Variants in LRRC36 observed in about 807,000 individuals in gnomAD.
The protein encoded by LRRC36 is leucine rich repeat containing 36.
A neutral mutation model predicts 81.1 loss-of-function variants in LRRC36; 62 were observed. The ratio of observed to expected loss-of-function variants is 0.76; its 90% CI spans 0.62 to 0.94. The LOEUF is 0.94. Among genes scored for constraint, LRRC36 ranks in the 40% least tolerant of loss-of-function variants. The pLI is 0.00. For synonymous variants in LRRC36, 334 were observed against 348.6 expected (o/e 0.96, Z 0.47); for missense variants, 761 against 881.7 (o/e 0.86, Z 1.73).
chr16:67,355,363 C>CT (rs1156742689), intron 5 of LRRC36, among the ~76,000 whole-genome samples: 1,704 of 77,716 alleles, frequency 0.022, 301 homozygotes, highest in East Asian at 0.081. Context: ...TTTAAGATGT[C>CT]TTTTTTTTTT....
At chr16:67,377,661 G>C (rs1012143010) in intron 11 of LRRC36, among the ~76,000 whole-genome samples, 1 of 147,878 alleles carries the variant, frequency 6.8e-6, no homozygotes, top group Non-Finnish European at 1.5e-5. Flanking sequence ...TTGAGATGGG[G>C]TCTTGTTCTG....
Position 67,385,104 on chromosome 16 carries a change from T to A in LRRC36, c.*15T>A. On this transcript the variant is annotated 3_prime_UTR_variant, in exon 14 of 14. Coordinates refer to ENST00000329956, the MANE Select transcript of LRRC36 (RefSeq NM_018296.6). ...CTGGCTTATAGAGCTAGCATGGAAC[T>A]CACACCACAGCTTCCCTGGTCCACA... 6.3e-7 allele frequency: 1 copy of A among 1,598,394 alleles called. No individual in the cohort carries two copies. Among genetic ancestry groups the A allele is most frequent in the Non-Finnish European group, 8.6e-7 (1 of 1,166,820 alleles).
intron 5 of LRRC36, among the ~76,000 whole-genome samples, chr16:67,359,615 T>C (rs1258381505): frequency 6.6e-6 from 1 of 152,190 alleles, no homozygotes; most frequent in Admixed American, 6.5e-5. Flanking sequence ...AAAGGATGAA[T>C]TGTATGACAC....
At chr16:67,327,495 A>T (rs2037248631) in intron 1 of LRRC36, among the ~76,000 whole-genome samples, 1 of 152,108 alleles carries the variant, frequency 6.6e-6, no homozygotes, top group Non-Finnish European at 1.5e-5. Flanking sequence ...TCCATCTCAA[A>T]AATAATAATA....
chr16:67,335,265 C>A (rs1026839714), intron 1 of LRRC36, among the ~76,000 whole-genome samples: 12 of 152,172 alleles, frequency 7.9e-5, no homozygotes, highest in African/African-American at 2.9e-4. Flanking sequence ...TTAGAGGCCT[C>A]CCTTCAGGGA....
chr16:67,350,190 T>C lies in LRRC36; in HGVS notation c.489-12T>C. 1 of 1,566,594 alleles carries C rather than the reference T, an allele frequency of 6.4e-7. No homozygotes were observed. The highest frequency in any genetic ancestry group is 1.2e-5 in the South Asian group (1 of 85,236). ...TTTTTTTGAGTTGTAAATAAATTAT[T>C]CTATGTGGCAGCTCTAGGGAGAAGA... On this transcript the variant is annotated splice_polypyrimidine_tract_variant and intron_variant, in intron 4 of 13. Coordinates refer to ENST00000329956, the MANE Select transcript of LRRC36 (RefSeq NM_018296.6).
chr16:67,334,450 A>C (rs912357277), intron 1 of LRRC36, among the ~76,000 whole-genome samples: 1 of 151,562 alleles, frequency 6.6e-6, no homozygotes, highest in African/African-American at 2.4e-5. Context: ...TCAGCCTCCC[A>C]AGTAGCTGGG....
In LRRC36 at chr16:67,382,156, C is replaced by T. The variant is rs1304865112; in HGVS notation, c.1954C>T (p.Gln652Ter). ...AGATGATCTTCTGCACAAAAACCAA[C>T]AGCTGACCATGCAGGTGGCTTGCCT... is the stretch of plus-strand genomic sequence containing the variant. ...TYDDLLHKNQ[Q>*]LTMQVACLNQ... Residue 652 changes from glutamine to a stop codon, truncating the protein, a stop_gained, in exon 13 of 14, where the codon CAG becomes TAG. Transcript: ENST00000329956. LOFTEE classifies it high-confidence loss of function. 4 of 1,614,078 alleles carry T rather than the reference C, an allele frequency of 2.5e-6. No individual in the cohort carries two copies. Among genetic ancestry groups the T allele is most frequent in the Non-Finnish European group, 3.4e-6 (4 of 1,179,946 alleles).
chr16:67,350,437 C>T (rs966372128), intron 5 of LRRC36, 147 bp downstream of exon 5: 1 of 690,062 alleles, frequency 1.4e-6, no homozygotes, highest in South Asian at 1.8e-5. Context: ...TTTCTTCCAT[C>T]CTCTCACTGC....
At chr16:67,383,071 C>CA (rs59297593) in intron 13 of LRRC36, among the ~76,000 whole-genome samples, 2,554 of 43,182 alleles carry the variant, frequency 0.059, 120 homozygotes, top group Non-Finnish European at 0.11. Flanking sequence ...GGCTCCGTCT[C>CA]AAAAAAAAAA....
intron 9 of LRRC36, 99 bp from the exon 10 acceptor site, chr16:67,375,148 A>AG: frequency 7.2e-7 from 1 of 1,383,184 alleles, no homozygotes; most frequent in Non-Finnish European, 9.9e-7. Flanking sequence ...TAAAAAAAAA[A>AG]AAGTCTCAAT....
chr16:67,380,865 C>T (rs997909558), intron 12 of LRRC36, among the ~76,000 whole-genome samples: 1 of 152,102 alleles, frequency 6.6e-6, no homozygotes, highest in Non-Finnish European at 1.5e-5. Flanking sequence ...ACAAGTGGGG[C>T]CTCACCTCAG....
At chr16:67,352,681 A>G (rs1165309422) in intron 5 of LRRC36, among the ~76,000 whole-genome samples, 1 of 144,402 alleles carries the variant, frequency 6.9e-6, no homozygotes, top group Non-Finnish European at 1.5e-5. Context: ...TTATTTATTT[A>G]TTTATTTATT....
chr16:67,350,290 G>T lies in LRRC36; in HGVS notation c.577G>T (p.Asp193Tyr). 1 of 1,608,866 alleles carries T rather than the reference G, an allele frequency of 6.2e-7. No individual in the cohort carries two copies. The highest frequency in any genetic ancestry group is 1.1e-5 in the South Asian group (1 of 90,390). Residue 193 changes from aspartate to tyrosine, a missense_variant and splice_region_variant, in exon 5 of 14, where the codon GAC becomes TAC. Asp to Tyr is a radical substitution (Grantham distance 160). Transcript: ENST00000329956. ...SANVDSRIEM[D>Y]SNKGLFIPFP... ...TAATGTTGACAGCAGGATTGAAATG[G>T]GTAAGTTTTCTCCCTGTGATTATAA...
At chr16:67,366,877 C>A in intron 7 of LRRC36, 140 bp from the exon 8 acceptor site, 1 of 645,136 alleles carries the variant, frequency 1.6e-6, no homozygotes, top group Non-Finnish European at 2.7e-6. Flanking sequence ...TTTATGCTAC[C>A]ATTGATCAGA....
chr16:67,375,785 G>C lies in LRRC36; in HGVS notation c.1660+373G>C, dbSNP rs1310820321. Among the ~76,000 whole-genome samples the C allele has an allele frequency of 2.0e-5, 3 of 152,294 alleles. No individual in the cohort carries two copies. In the East Asian group the frequency reaches 5.8e-4, roughly 29 times the overall value. ...CAACAGAAATTGGGTTTGATCATCAGAGTTTTGAGATGACTGTTAGAATGT... is the reference window on the plus strand; with the variant it reads ...CAACAGAAATTGGGTTTGATCATCACAGTTTTGAGATGACTGTTAGAATGT... On this transcript the variant is annotated intron_variant, in intron 10 of 13. Transcript: ENST00000329956.
At chr16:67,332,662 C>T (rs573192280) in intron 1 of LRRC36, among the ~76,000 whole-genome samples, 6 of 152,274 alleles carry the variant, frequency 3.9e-5, no homozygotes, top group African/African-American at 1.4e-4. Flanking sequence ...GGCAGTTTAT[C>T]ATTTTAATAA....
At chr16:67,329,567 A>C (rs1314331050) in intron 1 of LRRC36, among the ~76,000 whole-genome samples, 1 of 151,970 alleles carries the variant, frequency 6.6e-6, no homozygotes, top group African/African-American at 2.4e-5. Flanking sequence ...ATTTCTTGAT[A>C]TCATGAAATA....
rs924235682 is a variant in LRRC36 at position 67,357,615 on chromosome 16, C to T, written c.578-5975C>T. Among the ~76,000 whole-genome samples the T allele has an allele frequency of 3.9e-5, 6 of 152,246 alleles. No homozygotes were observed. In the East Asian group the frequency reaches 1.2e-3, roughly 29 times the overall value. On this transcript the variant is annotated intron_variant, in intron 5 of 13. Transcript: ENST00000329956. The stretch of plus-strand genomic sequence containing the variant: ...GGCTGAAATGCCTGGGTCTTTGTAC[C>T]CCTGCCTAGCTCTGTCACGGGGAGT...
Sources: gnomAD v4.1 joint callset for allele counts (sites outside exome capture counted in the v4.1 genomes callset) on GRCh38, gnomAD v4.1.1 for gene constraint, MANE v1.5 for transcripts, NCBI Gene and HGNC (gene_info 2026-07-23, HGNC 2026-07-21) for gene names.